ZC3H12B: variants seen among roughly 807,000 people sequenced by gnomAD.
The protein encoded by ZC3H12B is zinc finger CCCH-type containing 12B, also known as probable ribonuclease ZC3H12B.
ZC3H12B carries 7 observed loss-of-function variants against 43.9 expected under a neutral mutation model. The observed-to-expected ratio is 0.16, with a 90% CI of 0.09 to 0.30. ZC3H12B has a LOEUF of 0.30. Among genes scored for constraint, ZC3H12B ranks in the 10% least tolerant of loss-of-function variants. The pLI is 1.00. For missense variants in ZC3H12B, 475 were observed against 670.2 expected (o/e 0.71, Z 3.22); for synonymous variants, 222 against 241.7 (o/e 0.92, Z 0.76).
At chrX:65,069,820 G>A in the ZC3H12B span, among the ~76,000 whole-genome samples, 5 of 111,815 alleles carry the variant, frequency 4.5e-5, no homozygotes, top group East Asian at 2.8e-4. Context: ...TGATGGATTC[G>A]CTTTTTGATA....
the ZC3H12B span, among the ~76,000 whole-genome samples, chrX:65,261,891 G>C: frequency 1.8e-5 from 2 of 110,829 alleles, no homozygotes; most frequent in Non-Finnish European, 3.8e-5. Flanking sequence ...AAAGAGAAAA[G>C]TGCCTAAATA....
intron 3 of ZC3H12B, among the ~76,000 whole-genome samples, chrX:65,450,278 TG>T (rs2067455310): frequency 1.0e-5 from 1 of 96,023 alleles, no homozygotes; most frequent in African/African-American, 3.9e-5. Context: ...CCTTCCAGCC[TG>T]GGCGACAGAG....
intron 2 of ZC3H12B, among the ~76,000 whole-genome samples, chrX:65,388,881 G>C (rs1311263909): frequency 1.8e-5 from 2 of 112,154 alleles, no homozygotes; most frequent in Non-Finnish European, 3.8e-5. Context: ...CTGCAGGTCT[G>C]TTGCAGTTTG....
the ZC3H12B span, among the ~76,000 whole-genome samples, chrX:65,059,360 T>C: frequency 9.0e-6 from 1 of 111,641 alleles, no homozygotes; most frequent in Admixed American, 9.5e-5. Flanking sequence ...TTTGAGGTCT[T>C]AGATTTAAGT....
intron 3 of ZC3H12B, among the ~76,000 whole-genome samples, chrX:65,421,947 C>CA (rs113194708): frequency 0.031 from 2,195 of 70,536 alleles, 34 homozygotes; most frequent in Middle Eastern, 0.08. Flanking sequence ...GACTCCATCT[C>CA]AAAAAAAAAA....
At chrX:65,226,542 A>G in the ZC3H12B span, among the ~76,000 whole-genome samples, 1 of 111,603 alleles carries the variant, frequency 9.0e-6, no homozygotes, top group African/African-American at 3.3e-5. Context: ...TATTAACTTT[A>G]AATGTAAATG....
chrX:65,458,564 A>T (rs953303194), intron 3 of ZC3H12B, among the ~76,000 whole-genome samples: 3 of 111,824 alleles, frequency 2.7e-5, no homozygotes, highest in Admixed American at 1.9e-4. Context: ...CTCACTCAAA[A>T]CCGCTCAACT....
chrX:65,071,122 A>T, the ZC3H12B span, among the ~76,000 whole-genome samples: 1 of 109,601 alleles, frequency 9.1e-6, no homozygotes, highest in Admixed American at 9.8e-5. Flanking sequence ...TTATTTTATG[A>T]ATGCGATTGC....
At chrX:65,181,116 G>T in the ZC3H12B span, among the ~76,000 whole-genome samples, 11 of 111,220 alleles carry the variant, frequency 9.9e-5, no homozygotes, top group East Asian at 2.8e-4. Flanking sequence ...ACAATGATTT[G>T]GTCTTCGAAA....
the ZC3H12B span, among the ~76,000 whole-genome samples, chrX:65,163,851 C>A: frequency 8.9e-6 from 1 of 112,162 alleles, no homozygotes; most frequent in Non-Finnish European, 1.9e-5. Context: ...AGAAATCACG[C>A]ATCTTCTGCG....
chrX:65,229,581 G>A, the ZC3H12B span, among the ~76,000 whole-genome samples: 13 of 110,037 alleles, frequency 1.2e-4, no homozygotes, highest in East Asian at 2.9e-4. Flanking sequence ...AGAAACTTCC[G>A]TCAGAGTGAA....
At chrX:65,182,125 CATT>C in the ZC3H12B span, among the ~76,000 whole-genome samples, 2 of 111,224 alleles carry the variant, frequency 1.8e-5, no homozygotes, top group Non-Finnish European at 1.9e-5. Context: ...AGCTGGAAGT[CATT>C]ATTCTCAACA....
the ZC3H12B span, among the ~76,000 whole-genome samples, chrX:65,269,560 T>C: frequency 9.0e-6 from 1 of 110,981 alleles, no homozygotes; most frequent in Non-Finnish European, 1.9e-5. Context: ...AGTGCAGTGA[T>C]GTGATTATGA....
the ZC3H12B span, among the ~76,000 whole-genome samples, chrX:65,360,193 A>C: frequency 1.8e-5 from 2 of 112,547 alleles, no homozygotes; most frequent in African/African-American, 6.4e-5. Flanking sequence ...AAAACTAAAA[A>C]ATCATGTGAG....
the ZC3H12B span, among the ~76,000 whole-genome samples, chrX:65,161,040 G>A: frequency 9.0e-6 from 1 of 110,915 alleles, no homozygotes; most frequent in Admixed American, 9.6e-5. Context: ...TTCAGGAGCA[G>A]GTTGTTCAGT....
At chrX:65,273,716 C>T in the ZC3H12B span, among the ~76,000 whole-genome samples, 1 of 110,257 alleles carries the variant, frequency 9.1e-6, no homozygotes, top group African/African-American at 3.3e-5. Flanking sequence ...TGACTTGTGA[C>T]AAAAAAGAAA....
the ZC3H12B span, among the ~76,000 whole-genome samples, chrX:65,072,481 G>T: frequency 8.9e-6 from 1 of 112,452 alleles, no homozygotes; most frequent in South Asian, 3.7e-4. Flanking sequence ...GAGCTGTCAG[G>T]TTTCTTGTGC....
chrX:65,449,221 G>A (rs1360308159), intron 3 of ZC3H12B, among the ~76,000 whole-genome samples: 1 of 110,756 alleles, frequency 9.0e-6, no homozygotes, highest in African/African-American at 3.3e-5. Flanking sequence ...ACCTGGTGTG[G>A]GATGATTTGT....
chrX:65,148,319 G>T, the ZC3H12B span, among the ~76,000 whole-genome samples: 1 of 111,463 alleles, frequency 9.0e-6, no homozygotes, highest in South Asian at 3.8e-4. Context: ...CTTGGAGACT[G>T]TAATTGCAGA....
Sources: allele counts gnomAD v4.1 joint callset (sites outside exome capture counted in the v4.1 genomes callset), GRCh38; gene constraint gnomAD v4.1.1; transcripts MANE v1.5; gene names NCBI Gene and HGNC (gene_info 2026-07-23, HGNC 2026-07-21).